The following SCFD2 variants were observed in gnomAD, a reference collection of about 807,000 sequenced individuals.
SCFD2 encodes sec1 family domain containing 2, also known as sec1 family domain-containing protein 2.
Under a neutral mutation model 58.9 loss-of-function variants are expected in SCFD2, and 54 were observed. The ratio of observed to expected loss-of-function variants is 0.92; its 90% CI spans 0.74 to 1.15. SCFD2 has a LOEUF of 1.15. SCFD2 is among the 50% of genes most tolerant of loss of function. The pLI is 0.00. For synonymous variants in SCFD2, 321 were observed against 335.9 expected, an observed-to-expected ratio of 0.96 and a Z score of 0.49; for missense variants, 805 against 836.6, an observed-to-expected ratio of 0.96 and a Z score of 0.47.
intron 4 of SCFD2, among the ~76,000 whole-genome samples, chr4:53,247,865 C>A (rs2149033279): frequency 2.4e-5 from 1 of 41,034 alleles, no homozygotes; most frequent in Non-Finnish European, 4.5e-5. Flanking sequence ...GAGACTCCGT[C>A]TCAAAAAAAA....
At chr4:52,920,142 TC>T (rs914489154) in intron 6 of SCFD2, among the ~76,000 whole-genome samples, 3 of 152,086 alleles carry the variant, frequency 2.0e-5, no homozygotes, top group Admixed American at 1.3e-4. Flanking sequence ...CTATGTACTT[TC>T]CCCCTCTGAG....
chr4:53,286,336 T>G (rs1001585040), intron 3 of SCFD2, among the ~76,000 whole-genome samples: 1 of 152,078 alleles, frequency 6.6e-6, no homozygotes, highest in African/African-American at 2.4e-5. Flanking sequence ...CCTAAGCTGA[T>G]GTAGCACCCA....
intron 7 of SCFD2, among the ~76,000 whole-genome samples, chr4:52,891,432 C>T (rs111934490): frequency 8.5e-5 from 13 of 152,248 alleles, no homozygotes; most frequent in African/African-American, 3.1e-4. Flanking sequence ...TCACTTTATG[C>T]AAGCCTTAGA....
At chr4:53,007,939 T>C (rs1722014225) in intron 5 of SCFD2, among the ~76,000 whole-genome samples, 1 of 152,176 alleles carries the variant, frequency 6.6e-6, no homozygotes, top group Admixed American at 6.5e-5. Flanking sequence ...CTTAAGAAGA[T>C]GAACATGAGC....
chr4:53,033,963 T>C (rs922691039), intron 5 of SCFD2, among the ~76,000 whole-genome samples: 1 of 152,190 alleles, frequency 6.6e-6, no homozygotes, highest in African/African-American at 2.4e-5. Context: ...ACTCATTTTA[T>C]GAGGCCAGAA....
chr4:52,961,697 G>A (rs984893097), intron 5 of SCFD2, among the ~76,000 whole-genome samples: 3 of 152,164 alleles, frequency 2.0e-5, no homozygotes, highest in Non-Finnish European at 2.9e-5. Context: ...TGCCACTGAC[G>A]ACTTATGGGT....
intron 4 of SCFD2, among the ~76,000 whole-genome samples, chr4:53,164,532 G>T (rs1328137485): frequency 6.6e-6 from 1 of 152,160 alleles, no homozygotes; most frequent in Non-Finnish European, 1.5e-5. Flanking sequence ...GGTGTCTCAT[G>T]CCTGTAATCC....
chr4:53,224,837 C>T (rs1233649527), intron 4 of SCFD2, among the ~76,000 whole-genome samples: 1 of 152,140 alleles, frequency 6.6e-6, no homozygotes, highest in African/African-American at 2.4e-5. Context: ...CTTTATATAT[C>T]TAATCTCCCT....
At position 53,084,352 on chromosome 4, in the gene SCFD2, C is replaced by G. The variant is rs542312539; in HGVS notation, c.1561+60981G>C. ...GAAAAATATGGCTCTTTTTGCCCGA[C>G]CCCACAGGCAATGAGATCTTATGGT... On this transcript the variant is annotated intron_variant, in intron 5 of 8. Transcript: ENST00000401642. 4.6e-5 allele frequency among the ~76,000 whole-genome samples: 7 copies of G among 152,164 alleles called. No individual in the cohort carries two copies. The South Asian group carries it at 1.5e-3, about 32-fold the overall frequency.
intron 3 of SCFD2, among the ~76,000 whole-genome samples, chr4:53,290,356 C>T (rs866752997): frequency 6.6e-6 from 1 of 151,972 alleles, no homozygotes; most frequent in South Asian, 2.1e-4. Flanking sequence ...GAAAATTACA[C>T]AACATGCTCC....
intron 4 of SCFD2, among the ~76,000 whole-genome samples, chr4:53,239,455 AGGGAG>A: frequency 1.4e-5 from 2 of 148,134 alleles, no homozygotes; most frequent in South Asian, 4.3e-4. Flanking sequence ...GGAGAGGGAG[AGGGAG>A]AGAGCGTCCC....
intron 5 of SCFD2, among the ~76,000 whole-genome samples, chr4:52,970,633 C>T (rs1447174202): frequency 6.6e-6 from 1 of 152,222 alleles, no homozygotes; most frequent in Non-Finnish European, 1.5e-5. Flanking sequence ...CCTCTGCAGA[C>T]TTAAATGTCC....
intron 2 of SCFD2, among the ~76,000 whole-genome samples, chr4:53,331,068 C>T (rs1361529076): frequency 1.3e-5 from 2 of 151,560 alleles, no homozygotes; most frequent in African/African-American, 4.9e-5. Flanking sequence ...TATATGCACC[C>T]AATACAGGAG....
chr4:53,137,595 T>C (rs1725979861), intron 5 of SCFD2, among the ~76,000 whole-genome samples: 1 of 152,248 alleles, frequency 6.6e-6, no homozygotes, highest in Non-Finnish European at 1.5e-5. Context: ...GGTATTATCA[T>C]GCCTCTATCA....
intron 4 of SCFD2, among the ~76,000 whole-genome samples, chr4:53,248,368 G>T (rs907068970): frequency 2.0e-5 from 3 of 152,226 alleles, no homozygotes; most frequent in African/African-American, 4.8e-5. Flanking sequence ...CATTGCTCAG[G>T]CTTCCTTAAG....
intron 7 of SCFD2, among the ~76,000 whole-genome samples, chr4:52,893,041 TG>T (rs1168301602): frequency 6.6e-6 from 1 of 152,214 alleles, no homozygotes; most frequent in Non-Finnish European, 1.5e-5. Context: ...ATATAAACAA[TG>T]GTTTCAAATA....
At chr4:53,139,658 T>C (rs1436075481) in intron 5 of SCFD2, among the ~76,000 whole-genome samples, 1 of 151,034 alleles carries the variant, frequency 6.6e-6, no homozygotes, top group Non-Finnish European at 1.5e-5. Flanking sequence ...CCGCCCCATC[T>C]GGGAAGTGAG....
intron 5 of SCFD2, among the ~76,000 whole-genome samples, chr4:53,090,539 C>A (rs978931342): frequency 6.6e-6 from 1 of 152,058 alleles, no homozygotes; most frequent in African/African-American, 2.4e-5. Flanking sequence ...ATCATAAGAT[C>A]CAGATAGGAA....
chr4:53,301,988 C>T (rs1207872829), intron 3 of SCFD2, among the ~76,000 whole-genome samples: 1 of 152,174 alleles, frequency 6.6e-6, no homozygotes, highest in African/African-American at 2.4e-5. Context: ...AACCCACAGC[C>T]AGTATCATAC....
Sources: allele counts gnomAD v4.1 joint callset (sites outside exome capture counted in the v4.1 genomes callset), GRCh38; gene constraint gnomAD v4.1.1; transcripts MANE v1.5; gene names NCBI Gene and HGNC (gene_info 2026-07-23, HGNC 2026-07-21).